The following MAPDA variants were observed in gnomAD, a reference collection of about 807,000 sequenced individuals.
MAPDA encodes the protein N6-Methyl-AMP deaminase.
At chr15:43,342,475 G>A in the MAPDA span, among the ~76,000 whole-genome samples, 8 of 149,706 alleles carry the variant, frequency 5.3e-5, no homozygotes, top group East Asian at 7.9e-4. Context: ...AAGGACAAGT[G>A]TAGTGGCTCA....
At chr15:43,336,677 T>C in the MAPDA span, 1 of 1,553,470 alleles carries the variant, frequency 6.4e-7, no homozygotes, top group Non-Finnish European at 8.6e-7. Context: ...GCCCTGAAGA[T>C]ATTCTAATGG....
chr15:43,336,807 T>C, the MAPDA span: 3 of 707,626 alleles, frequency 4.2e-6, no homozygotes, highest in East Asian at 3.4e-5. Flanking sequence ...TTCTCTATTA[T>C]GGCAACTCTT....
the MAPDA span, chr15:43,335,180 C>A: frequency 6.2e-7 from 1 of 1,612,946 alleles, no homozygotes; most frequent in Admixed American, 1.7e-5. Context: ...GGTGAGAATT[C>A]AACTACAGAA....
chr15:43,337,132 C>T, the MAPDA span, among the ~76,000 whole-genome samples: 5 of 151,402 alleles, frequency 3.3e-5, no homozygotes, highest in African/African-American at 9.7e-5. Context: ...AAAAATTAGC[C>T]GGGCATGGTG....
the MAPDA span, among the ~76,000 whole-genome samples, chr15:43,331,666 T>C: frequency 2.0e-5 from 3 of 152,236 alleles, no homozygotes; most frequent in African/African-American, 7.2e-5. Context: ...GATTCGGTAA[T>C]TGAAAAGTGA....
chr15:43,352,091 C>T, the MAPDA span: 11 of 721,240 alleles, frequency 1.5e-5, no homozygotes, highest in African/African-American at 2.0e-4. Context: ...ATGGCAGGTA[C>T]TCAGTAAATA....
At chr15:43,349,097 T>C in the MAPDA span, 2 of 1,612,134 alleles carry the variant, frequency 1.2e-6, no homozygotes, top group African/African-American at 1.3e-5. Flanking sequence ...TCTCCCCCAA[T>C]CCCCAGGTTG....
At chr15:43,337,304 A>T in the MAPDA span, among the ~76,000 whole-genome samples, 2 of 150,980 alleles carry the variant, frequency 1.3e-5, no homozygotes, top group Non-Finnish European at 3.0e-5. Flanking sequence ...AAAGAGAAGT[A>T]TTAGACCACA....
chr15:43,352,641 G>C, the MAPDA span: 3 of 152,260 alleles, frequency 2.0e-5, no homozygotes, highest in Non-Finnish European at 2.9e-5. Flanking sequence ...AGGGATGTTT[G>C]AGGCTGCAGT....
the MAPDA span, among the ~76,000 whole-genome samples, chr15:43,342,217 G>C: frequency 2.5e-3 from 373 of 151,870 alleles, no homozygotes; most frequent in Admixed American, 3.7e-3. Context: ...CGGGTAAAAG[G>C]GTATTTTATT....
At chr15:43,351,950 T>A in the MAPDA span, 1 of 1,547,940 alleles carries the variant, frequency 6.5e-7, no homozygotes, top group Non-Finnish European at 8.7e-7. Context: ...ATTTAAGCTA[T>A]AATGAGGTGA....
the MAPDA span, among the ~76,000 whole-genome samples, chr15:43,338,111 A>G: frequency 2.6e-5 from 4 of 152,248 alleles, no homozygotes; most frequent in Non-Finnish European, 4.4e-5. Flanking sequence ...CTATGGGTAT[A>G]TTAATGGCAT....
At chr15:43,332,343 A>G in the MAPDA span, 1 of 151,980 alleles carries the variant, frequency 6.6e-6, no homozygotes, top group Non-Finnish European at 1.5e-5. Flanking sequence ...GAGATTAAGT[A>G]CTGCTTCGTG....
chr15:43,337,225 G>A, the MAPDA span, among the ~76,000 whole-genome samples: 2 of 144,938 alleles, frequency 1.4e-5, no homozygotes, highest in Non-Finnish European at 3.0e-5. Context: ...GCGGAGAGCC[G>A]AGATCGCGCC....
the MAPDA span, chr15:43,335,135 T>G: frequency 6.2e-7 from 1 of 1,614,034 alleles, no homozygotes; most frequent in Non-Finnish European, 8.5e-7. Flanking sequence ...GCAACAGCCT[T>G]GCAAGACAGA....
the MAPDA span, chr15:43,346,061 T>C: frequency 6.4e-7 from 1 of 1,568,312 alleles, no homozygotes. Context: ...CATCTTGCAT[T>C]GCATTCTCCA....
the MAPDA span, chr15:43,330,394 G>T: frequency 6.3e-7 from 1 of 1,578,152 alleles, no homozygotes; most frequent in Non-Finnish European, 8.6e-7. Flanking sequence ...GGTCCTGCAC[G>T]TACCCGCGCG....
At chr15:43,331,084 C>G in the MAPDA span, among the ~76,000 whole-genome samples, 1 of 152,160 alleles carries the variant, frequency 6.6e-6, no homozygotes, top group Non-Finnish European at 1.5e-5. Flanking sequence ...CTGAAGAAAC[C>G]GACCTTTACA....
At chr15:43,337,836 T>C in the MAPDA span, among the ~76,000 whole-genome samples, 1 of 152,198 alleles carries the variant, frequency 6.6e-6, no homozygotes, top group African/African-American at 2.4e-5. Context: ...CTGAGAGAGA[T>C]TGACACAGTT....
Sources: allele counts gnomAD v4.1 joint callset (sites outside exome capture counted in the v4.1 genomes callset), GRCh38; gene constraint gnomAD v4.1.1; transcripts MANE v1.5; gene names NCBI Gene and HGNC (gene_info 2026-07-23, HGNC 2026-07-21).